The following CDHR3 variants were observed in gnomAD, a reference collection of about 807,000 sequenced individuals.
CDHR3 encodes the protein cadherin related family member 3, also known as cadherin-related family member 3.
CDHR3 carries 79 observed loss-of-function variants against 86.6 expected under a neutral mutation model. The ratio of observed to expected loss-of-function variants is 0.91; its 90% CI spans 0.76 to 1.10. The LOEUF (loss-of-function observed/expected upper bound fraction) is 1.10. Among genes scored for constraint, CDHR3 ranks in the 50% least tolerant of loss-of-function variants. The pLI, the probability that CDHR3 is intolerant of heterozygous loss-of-function variation, is 0.00. For synonymous variants in CDHR3, 421 were observed against 402.4 expected (o/e 1.05, Z -0.55); for missense variants, 1,081 against 1,077.6 (o/e 1.00, Z -0.04).
intron 2 of CDHR3, among the ~76,000 whole-genome samples, chr7:105,979,374 T>A (rs1829298890): frequency 2.0e-5 from 3 of 152,158 alleles, no homozygotes; most frequent in African/African-American, 4.8e-5. Flanking sequence ...ATACCTCTTT[T>A]TCCCCCCTCG....
At position 106,015,922 on chromosome 7, in the gene CDHR3, T is replaced by C; in HGVS notation, c.1328-5T>C. The C allele has an allele frequency of 6.3e-7, 1 of 1,591,720 alleles. No individual in the cohort carries two copies. Among genetic ancestry groups the C allele is most frequent in the Non-Finnish European group, 8.6e-7 (1 of 1,161,080 alleles). On this transcript the variant is annotated splice_region_variant and splice_polypyrimidine_tract_variant and intron_variant, in intron 10 of 18. Coordinates refer to ENST00000317716, the MANE Select transcript of CDHR3 (RefSeq NM_152750.5). ...GATTAAATGTGTTTCTATTTCCATT[T>C]TTAGATAACGTCTACGTTTATATCC...
At chr7:105,963,785 A>C (rs193806) in intron 1 of CDHR3, among the ~76,000 whole-genome samples, 23,124 of 152,084 alleles carry the variant, frequency 0.15, 1,939 homozygotes, top group South Asian at 0.28. Flanking sequence ...AAAGTGAGTT[A>C]CTGAGGGGGT....
At position 105,977,522 on chromosome 7, in the gene CDHR3, C is replaced by T. The variant is rs1035394837; in HGVS notation, c.249+2476C>T. Among the ~76,000 whole-genome samples the T allele has an allele frequency of 7.9e-5, 12 of 152,186 alleles. No homozygotes were observed. The East Asian group carries it at 9.6e-4, about 12-fold the overall frequency. On this transcript the variant is annotated intron_variant, in intron 2 of 18. Transcript: ENST00000317716. ...CTCCTTGCATCACATCCCGCAGCTGCGTACAACCCTGTGTTGGTACTAAGA... is the reference window on the plus strand; with the variant it reads ...CTCCTTGCATCACATCCCGCAGCTGTGTACAACCCTGTGTTGGTACTAAGA...
chr7:105,976,524 A>G lies in CDHR3; in HGVS notation c.249+1478A>G, dbSNP rs115050356. ...ATTCGGTAGTTTTTAGTATATTCAC[A>G]GTCATGCAAGCATCACCACAATCTA... On this transcript the variant is annotated intron_variant, in intron 2 of 18. Coordinates refer to ENST00000317716, the MANE Select transcript of CDHR3 (RefSeq NM_152750.5). 3.3e-3 allele frequency among the ~76,000 whole-genome samples: 500 copies of G among 152,340 alleles called. 3 individuals carry two copies. The highest frequency in any genetic ancestry group is 0.012 in the African/African-American group (483 of 41,572).
chr7:105,994,771 A>T lies in CDHR3; in HGVS notation c.534A>T (p.Pro178=), dbSNP rs528889667. The T allele has an allele frequency of 7.3e-5, 117 of 1,612,218 alleles. No individual in the cohort carries two copies. Among genetic ancestry groups the T allele is most frequent in the Non-Finnish European group, 9.0e-5 (106 of 1,179,134 alleles). Residue 178 remains proline, a synonymous_variant, in exon 5 of 19, where the codon CCA becomes CCT. Transcript: ENST00000317716. Reference sequence around the variant, plus strand: ...TTTAGTATTTCCTGATTTCTCCCCCAAAGAGCTTCAGAATGTCTGCTAATG... The same window carrying T: ...TTTAGTATTTCCTGATTTCTCCCCCTAAGAGCTTCAGAATGTCTGCTAATG... ...IPLSYFLISP[P]KSFRMSANGT...
intron 17 of CDHR3, among the ~76,000 whole-genome samples, chr7:106,029,379 C>A (rs1310016247): frequency 6.6e-6 from 1 of 152,208 alleles, no homozygotes; most frequent in African/African-American, 2.4e-5. Flanking sequence ...AGCCTTATCA[C>A]CTCGGGGACT....
chr7:106,030,909 T>G lies in CDHR3; in HGVS notation c.2353+69T>G, dbSNP rs1838230386. The G allele has an allele frequency of 2.8e-6, 4 of 1,433,164 alleles. No homozygotes were observed. Among genetic ancestry groups the G allele is most frequent in the Non-Finnish European group, 2.9e-6 (3 of 1,034,468 alleles). The allele number at this position is 1,433,164 out of a possible 1,614,324, so 88.8% of individuals were successfully genotyped here. ...CAGACTGGTAGAAGCATGGAGGATC[T>G]TATCCAATTTCCTGCTTTTAGCTCA... On this transcript the variant is annotated intron_variant, in intron 18 of 18. Transcript: ENST00000317716. This position sits in a 1 kb window ranked among gnomAD's most constrained non-coding sequence, Gnocchi z 4.8.
Position 106,012,963 on chromosome 7 carries a change from AC to A in CDHR3, c.1158del (p.Met387CysfsTer23). The A allele has an allele frequency of 6.2e-7, 1 of 1,613,728 alleles. No individual in the cohort carries two copies. Among genetic ancestry groups the A allele is most frequent in the South Asian group, 1.1e-5 (1 of 91,034 alleles). ...SEAPNNRFNF[T>X]MPSGVGSGSR... The stretch of plus-strand genomic sequence containing the variant: ...GGCACCAAACAACAGATTCAACTTC[AC>A]CATGCCATCTGGAGTGGGGAGCGGC... On this transcript the variant is annotated frameshift_variant, in exon 9 of 19. Transcript: ENST00000317716. LOFTEE classifies it high-confidence loss of function.
intron 18 of CDHR3, among the ~76,000 whole-genome samples, chr7:106,031,978 T>A (rs978292131): frequency 6.6e-6 from 1 of 152,326 alleles, no homozygotes; most frequent in South Asian, 2.1e-4. Context: ...ACTTGGTGAA[T>A]TCCTTTTTAT....
chr7:105,984,599 A>T (rs1212245538), intron 4 of CDHR3, among the ~76,000 whole-genome samples: 1 of 152,220 alleles, frequency 6.6e-6, no homozygotes, highest in African/African-American at 2.4e-5. Flanking sequence ...AGTATTACAT[A>T]GACAATGCAT....
chr7:105,967,745 A>G (rs1339435008), intron 1 of CDHR3, among the ~76,000 whole-genome samples: 1 of 152,148 alleles, frequency 6.6e-6, no homozygotes, highest in Admixed American at 6.6e-5. Flanking sequence ...TGGCTGCATA[A>G]ATGTCTTCTT....
In CDHR3 at chr7:105,980,236, G is replaced by A. The variant is rs551569788; in HGVS notation, c.250-732G>A. Among the ~76,000 whole-genome samples, 12 of 152,226 alleles carry A rather than the reference G, an allele frequency of 7.9e-5. No individual in the cohort carries two copies. In the South Asian group the frequency reaches 1.9e-3, roughly 24 times the overall value. The stretch of plus-strand genomic sequence containing the variant: ...GTGATGAGTCAAGATATAACTTAAC[G>A]GCAATCCCAGGAAAGCTTAGTATTC... On this transcript the variant is annotated intron_variant, in intron 2 of 18. Transcript: ENST00000317716.
At chr7:106,012,403 G>C (rs1056915291) in intron 8 of CDHR3, among the ~76,000 whole-genome samples, 12 of 152,142 alleles carry the variant, frequency 7.9e-5, no homozygotes, top group African/African-American at 2.9e-4. Flanking sequence ...GTGAGTATTT[G>C]TGGGGAGAGG....
chr7:106,031,531 C>T (rs965828301), intron 18 of CDHR3, among the ~76,000 whole-genome samples: 2 of 152,242 alleles, frequency 1.3e-5, no homozygotes, highest in Non-Finnish European at 2.9e-5. Flanking sequence ...CGGTCCTCCT[C>T]CTAAGGAGGA....
intron 16 of CDHR3, among the ~76,000 whole-genome samples, chr7:106,028,116 T>TTAAAATAAAATAAAATAAAA (rs59804877): frequency 6.4e-4 from 77 of 120,284 alleles, no homozygotes; most frequent in African/African-American, 2.2e-3. Flanking sequence ...AGACCCTGTC[T>TTAAAATAAAATAAAATAAAA]TAAAATAAAA....
intron 4 of CDHR3, among the ~76,000 whole-genome samples, chr7:105,985,593 T>A (rs1830408056): frequency 6.6e-6 from 1 of 152,108 alleles, no homozygotes; most frequent in South Asian, 2.1e-4. Context: ...AAAGCTGTTA[T>A]AAAATTATTG....
rs200338810 is a variant in CDHR3 at position 106,032,482 on chromosome 7, A to G, written c.2443A>G (p.Ser815Gly). The change falls in exon 19 of 19, where the codon AGC becomes GGC. Residue 815 changes from serine to glycine, a missense_variant. Ser to Gly is a moderately conservative substitution (Grantham distance 56, BLOSUM62 0). Coordinates refer to ENST00000317716, the MANE Select transcript of CDHR3 (RefSeq NM_152750.5). ...CCAAATGCCAAAATGGAAAGAGTCCAGCCACCAGGGAGCTGCCCCACGCAG... is the reference window on the plus strand; with the variant it reads ...CCAAATGCCAAAATGGAAAGAGTCCGGCCACCAGGGAGCTGCCCCACGCAG... ...LTQMPKWKES[S>G]HQGAAPRRVT... The G allele has an allele frequency of 1.2e-6, 2 of 1,614,034 alleles. No individual in the cohort carries two copies. The highest frequency in any genetic ancestry group is 2.7e-5 in the African/African-American group (2 of 75,062).
chr7:106,018,487 C>T (rs1235877272), intron 12 of CDHR3, among the ~76,000 whole-genome samples: 1 of 152,174 alleles, frequency 6.6e-6, no homozygotes, highest in Non-Finnish European at 1.5e-5. Context: ...CCACTCGCCT[C>T]AGCCTCTCAA....
At chr7:105,975,464 T>C (rs1828663874) in intron 2 of CDHR3, among the ~76,000 whole-genome samples, 3 of 152,178 alleles carry the variant, frequency 2.0e-5, no homozygotes, top group Admixed American at 6.5e-5. Context: ...CAGAAGATAA[T>C]CTAAGAGGAG....
Sources: allele counts gnomAD v4.1 joint callset (sites outside exome capture counted in the v4.1 genomes callset), GRCh38; gene constraint gnomAD v4.1.1; non-coding constraint Gnocchi (gnomAD v3.1); transcripts MANE v1.5; gene names NCBI Gene and HGNC (gene_info 2026-07-23, HGNC 2026-07-21).